PSMD14: variants seen among roughly 807,000 people sequenced by gnomAD.
The protein encoded by PSMD14 is proteasome 26S subunit, non-ATPase 14, also known as ubiquitin C-terminal hydrolase PSMD14.
A neutral mutation model predicts 41.2 loss-of-function variants in PSMD14; 7 were observed. That is an observed-to-expected ratio of 0.17 (90% CI 0.10 to 0.32). The LOEUF (loss-of-function observed/expected upper bound fraction) is 0.32, where lower values mean the gene tolerates loss of function less well. Ranked by LOEUF, PSMD14 falls within the 10% of genes least tolerant of loss-of-function variation. The pLI is 1.00. For synonymous variants in PSMD14, 114 were observed against 122.3 expected (o/e 0.93, Z 0.45); for missense variants, 139 against 375.6 (o/e 0.37, Z 5.21).
chr2:161,370,729 T>C (rs1440926873), intron 6 of PSMD14, among the ~76,000 whole-genome samples: 1 of 152,164 alleles, frequency 6.6e-6, no homozygotes, highest in Non-Finnish European at 1.5e-5. Flanking sequence ...GGTTTTTGAC[T>C]GAGTTCCTAG....
At chr2:161,399,996 C>G (rs1455292626) in intron 10 of PSMD14, among the ~76,000 whole-genome samples, 2 of 152,158 alleles carry the variant, frequency 1.3e-5, no homozygotes, top group South Asian at 2.1e-4. Flanking sequence ...GTATCTCTAT[C>G]TTGCATATAT....
intron 3 of PSMD14, among the ~76,000 whole-genome samples, chr2:161,340,430 G>A (rs1214842641): frequency 1.3e-5 from 2 of 152,182 alleles, no homozygotes; most frequent in Non-Finnish European, 2.9e-5. Flanking sequence ...GGGCAAAAGA[G>A]GGGGGACTGG....
At chr2:161,336,594 G>C (rs1682873996) in intron 3 of PSMD14, among the ~76,000 whole-genome samples, 1 of 151,888 alleles carries the variant, frequency 6.6e-6, no homozygotes, top group Admixed American at 6.6e-5. Flanking sequence ...CATTTATTTT[G>C]AGACGGAATC....
chr2:161,396,295 T>C (rs996147666), intron 10 of PSMD14, among the ~76,000 whole-genome samples: 4 of 152,088 alleles, frequency 2.6e-5, no homozygotes, highest in Admixed American at 6.6e-5. Flanking sequence ...CCAAAGGAAA[T>C]GAAATCAGTA....
intron 3 of PSMD14, among the ~76,000 whole-genome samples, chr2:161,355,812 A>G (rs1683188080): frequency 1.3e-5 from 2 of 152,246 alleles, no homozygotes; most frequent in Admixed American, 6.5e-5. Context: ...AAGATGATTA[A>G]TGGGACAGTT....
At position 161,357,076 on chromosome 2, in the gene PSMD14, C is replaced by CTTTTTTTTTTTTTTTTTTTTTTTTTTTTT. The variant is rs71281822; in HGVS notation, c.49-10390_49-10389insTTTTTTTTTTTTTTTTTTTTTTTTTTTTT. ...TTTATGCTGTTATAATGGCAAATGC[C>CTTTTTTTTTTTTTTTTTTTTTTTTTTTTT]TTTTTTTTTTTTAGCACTTAGTCAA... On this transcript the variant is annotated intron_variant, in intron 3 of 11. Coordinates refer to ENST00000409682, the MANE Select transcript of PSMD14 (RefSeq NM_005805.6). Among the ~76,000 whole-genome samples the CTTTTTTTTTTTTTTTTTTTTTTTTTTTTT allele has an allele frequency of 2.9e-3, 361 of 124,032 alleles. 32 individuals carry two copies. The highest frequency in any genetic ancestry group is 6.9e-3 in the East Asian group (25 of 3,620). 81.4% of individuals were successfully genotyped at this position (124,032 alleles called of 152,430 possible).
intron 10 of PSMD14, among the ~76,000 whole-genome samples, chr2:161,398,615 C>G (rs1308408611): frequency 1.3e-5 from 2 of 151,856 alleles, no homozygotes; most frequent in Non-Finnish European, 2.9e-5. Flanking sequence ...TTGTGAAGAA[C>G]ATTTTAAGAA....
intron 3 of PSMD14, among the ~76,000 whole-genome samples, chr2:161,337,390 T>C (rs1682885293): frequency 6.6e-6 from 1 of 152,234 alleles, no homozygotes; most frequent in African/African-American, 2.4e-5. Context: ...CTATACCAAA[T>C]GCCTTACATA....
chr2:161,369,350 C>G (rs1166769728), intron 5 of PSMD14, among the ~76,000 whole-genome samples: 1 of 151,676 alleles, frequency 6.6e-6, no homozygotes, highest in Non-Finnish European at 1.5e-5. Context: ...GTTGCATATT[C>G]TTCTTCTTTT....
In PSMD14 at chr2:161,398,656, T is replaced by C. The variant is rs548146714; in HGVS notation, c.771+3453T>C. Among the ~76,000 whole-genome samples the C allele has an allele frequency of 2.4e-4, 37 of 152,170 alleles. No individual in the cohort carries two copies. The South Asian group carries it at 3.9e-3, about 16-fold the overall frequency. On this transcript the variant is annotated intron_variant, in intron 10 of 11. Transcript: ENST00000409682. ...TAGAAACAAAAATTTGCCTTTTTTT[T>C]CCCAAGCATGTAGTGCTATAAATTT...
chr2:161,345,965 C>T (rs1683036046), intron 3 of PSMD14, among the ~76,000 whole-genome samples: 1 of 152,190 alleles, frequency 6.6e-6, no homozygotes, highest in Non-Finnish European at 1.5e-5. Context: ...GATCACAGCT[C>T]ACTGCAGCCT....
chr2:161,328,342 T>C (rs1159555305), intron 3 of PSMD14, among the ~76,000 whole-genome samples: 1 of 152,148 alleles, frequency 6.6e-6, no homozygotes, highest in Non-Finnish European at 1.5e-5. Flanking sequence ...ATATGCATAA[T>C]AGACCTTACA....
intron 3 of PSMD14, chr2:161,340,837 C>T (rs1682943004): frequency 4.3e-6 from 7 of 1,613,992 alleles, no homozygotes; most frequent in Non-Finnish European, 5.9e-6. Flanking sequence ...CTCTGCTCCT[C>T]CTCCAGCTCC....
intron 3 of PSMD14, among the ~76,000 whole-genome samples, chr2:161,330,333 T>C (rs1682769905): frequency 6.6e-6 from 1 of 152,210 alleles, no homozygotes; most frequent in African/African-American, 2.4e-5. Context: ...GATATCTCTG[T>C]CTAATATGGG....
At chr2:161,362,033 T>G (rs1189683712) in intron 3 of PSMD14, among the ~76,000 whole-genome samples, 1 of 152,174 alleles carries the variant, frequency 6.6e-6, no homozygotes, top group Non-Finnish European at 1.5e-5. Context: ...TCTTCCCCAG[T>G]GACTTAGTAA....
chr2:161,359,043 A>G (rs539302236), intron 3 of PSMD14, among the ~76,000 whole-genome samples: 1 of 152,288 alleles, frequency 6.6e-6, no homozygotes, highest in African/African-American at 2.4e-5. Context: ...ATCACAGCTC[A>G]CTACAGCCCC....
Position 161,408,918 on chromosome 2 carries a change from A to G in PSMD14, c.834+19A>G. ...CAAGCAGGTGAGGTGTACTGTTAAT[A>G]AGTTATGCAGTTGCATAATAACATG... is the stretch of plus-strand genomic sequence containing the variant. On this transcript the variant is annotated intron_variant, in intron 11 of 11. Transcript: ENST00000409682. 1 of 1,575,586 alleles carries G rather than the reference A, an allele frequency of 6.3e-7. No homozygotes were observed. Among genetic ancestry groups the G allele is most frequent in the Non-Finnish European group, 8.7e-7 (1 of 1,148,810 alleles).
intron 3 of PSMD14, among the ~76,000 whole-genome samples, chr2:161,346,091 C>T (rs1300883233): frequency 6.6e-6 from 1 of 152,134 alleles, no homozygotes; most frequent in Non-Finnish European, 1.5e-5. Context: ...CCATGTTGCC[C>T]AGGCAGTTCT....
At chr2:161,394,531 T>C (rs1321666949) in intron 9 of PSMD14, among the ~76,000 whole-genome samples, 1 of 152,188 alleles carries the variant, frequency 6.6e-6, no homozygotes. Flanking sequence ...GAGATACTTA[T>C]AAATTTCATT....
Sources: allele counts gnomAD v4.1 joint callset (sites outside exome capture counted in the v4.1 genomes callset), GRCh38; gene constraint gnomAD v4.1.1; transcripts MANE v1.5; gene names NCBI Gene and HGNC (gene_info 2026-07-23, HGNC 2026-07-21).